NXPE2: variants seen among roughly 807,000 people sequenced by gnomAD.
NXPE2 encodes the protein NXPE family member 2.
In NXPE2, 34 loss-of-function variants were observed where a neutral mutation model predicts 34.4. That is an observed-to-expected ratio of 0.99 (90% CI 0.75 to 1.31). The LOEUF is 1.31. Among genes scored for constraint, NXPE2 ranks in the 40% most tolerant of loss-of-function variants. The pLI, the probability that NXPE2 is intolerant of heterozygous loss-of-function variation, is 0.00. For missense variants in NXPE2, 649 were observed against 672.5 expected (o/e 0.97, Z 0.39); for synonymous variants, 235 against 231.3 (o/e 1.02, Z -0.15).
At chr11:114,523,966 C>T in the NXPE2 span, among the ~76,000 whole-genome samples, 1 of 152,214 alleles carries the variant, frequency 6.6e-6, no homozygotes, top group Non-Finnish European at 1.5e-5. Flanking sequence ...TTCTGTCTCA[C>T]ATAACAGGCC....
At chr11:114,503,121 A>G in the NXPE2 span, among the ~76,000 whole-genome samples, 1 of 152,082 alleles carries the variant, frequency 6.6e-6, no homozygotes, top group African/African-American at 2.4e-5. Context: ...GCAGGCCAAG[A>G]AAAAAGCTTC....
chr11:114,663,730 T>C, the NXPE2 span, among the ~76,000 whole-genome samples: 2 of 149,722 alleles, frequency 1.3e-5, no homozygotes, highest in Non-Finnish European at 3.0e-5. Context: ...TACCTACCTA[T>C]CTATTGGCGA....
At chr11:114,739,322 TCCTTCCTTCCTTCCTTCCCC>T in the NXPE2 span, among the ~76,000 whole-genome samples, 1 of 54,076 alleles carries the variant, frequency 1.8e-5, no homozygotes, top group Non-Finnish European at 4.0e-5. Context: ...CTTCCTTCCT[TCCTTCCTTCCTTCCTTCCCC>T]CCTTCCTCTC....
the NXPE2 span, among the ~76,000 whole-genome samples, chr11:114,652,979 T>G: frequency 6.6e-6 from 1 of 152,194 alleles, no homozygotes; most frequent in Non-Finnish European, 1.5e-5. Context: ...AAAAGATGAC[T>G]GTGAGAAGCA....
At chr11:114,625,757 G>C in the NXPE2 span, among the ~76,000 whole-genome samples, 2 of 152,260 alleles carry the variant, frequency 1.3e-5, no homozygotes, top group South Asian at 2.1e-4. Context: ...ATTTCCATCT[G>C]AGGTACCAGG....
At chr11:114,599,562 G>C in the NXPE2 span, among the ~76,000 whole-genome samples, 4 of 152,158 alleles carry the variant, frequency 2.6e-5, no homozygotes, top group Non-Finnish European at 5.9e-5. Flanking sequence ...AAAGAAAAGA[G>C]ATTTAATTGG....
At chr11:114,578,466 T>A in the NXPE2 span, among the ~76,000 whole-genome samples, 1 of 152,192 alleles carries the variant, frequency 6.6e-6, no homozygotes, top group Non-Finnish European at 1.5e-5. Context: ...CCCTGAATTT[T>A]GTAGATGAGG....
chr11:114,586,898 G>C, the NXPE2 span, among the ~76,000 whole-genome samples: 1 of 152,148 alleles, frequency 6.6e-6, no homozygotes, highest in Non-Finnish European at 1.5e-5. Context: ...TAATGCCTGG[G>C]AATATAGCTC....
chr11:114,703,813 T>C (rs2135571203), intron 3 of NXPE2, among the ~76,000 whole-genome samples, 178 bp from the exon 4 acceptor site: 1 of 152,252 alleles, frequency 6.6e-6, no homozygotes, highest in South Asian at 2.1e-4. Context: ...TCCCTGCCAT[T>C]AGGAGAGGAA....
At chr11:114,490,383 C>T in the NXPE2 span, among the ~76,000 whole-genome samples, 1 of 152,172 alleles carries the variant, frequency 6.6e-6, no homozygotes, top group Non-Finnish European at 1.5e-5. Context: ...AAAAAGAGCT[C>T]ACATTGTCAA....
At chr11:114,598,779 G>A in the NXPE2 span, among the ~76,000 whole-genome samples, 33 of 152,038 alleles carry the variant, frequency 2.2e-4, no homozygotes, top group African/African-American at 6.8e-4. Context: ...TCCCTTCTAG[G>A]CCTGCAGGTC....
chr11:114,739,393 TCCCTCCC>T, the NXPE2 span, among the ~76,000 whole-genome samples: 1 of 124,706 alleles, frequency 8.0e-6, no homozygotes, highest in Non-Finnish European at 1.7e-5. Context: ...CTTCCCTTCC[TCCCTCCC>T]TCCCTCGCTC....
chr11:114,776,740 A>G, the NXPE2 span, among the ~76,000 whole-genome samples: 44 of 152,346 alleles, frequency 2.9e-4, no homozygotes, highest in African/African-American at 1.0e-3. Flanking sequence ...GTGGGAGTCT[A>G]TCTAATATAT....
chr11:114,506,982 G>A, the NXPE2 span, among the ~76,000 whole-genome samples: 2 of 151,752 alleles, frequency 1.3e-5, no homozygotes, highest in African/African-American at 4.8e-5. Context: ...TAGACCACTA[G>A]CTAGACTAAG....
chr11:114,811,926 C>T, the NXPE2 span, among the ~76,000 whole-genome samples: 27 of 152,302 alleles, frequency 1.8e-4, no homozygotes, highest in East Asian at 4.6e-3. Context: ...CCTTAGAGAA[C>T]TGCTGGGAGA....
At chr11:114,530,771 T>C in the NXPE2 span, 3 of 1,614,148 alleles carry the variant, frequency 1.9e-6, no homozygotes, top group African/African-American at 2.7e-5. Flanking sequence ...GCTGATCTAG[T>C]TTCTCTATGA....
intron 2 of NXPE2, among the ~76,000 whole-genome samples, chr11:114,692,222 T>G (rs1951167091): frequency 6.6e-6 from 1 of 152,188 alleles, no homozygotes; most frequent in African/African-American, 2.4e-5. Flanking sequence ...TTTGTGGGTT[T>G]GTGGCTGAAG....
the NXPE2 span, among the ~76,000 whole-genome samples, chr11:114,634,805 T>C: frequency 1.3e-5 from 2 of 152,066 alleles, no homozygotes; most frequent in African/African-American, 4.8e-5. Context: ...AGGGCTCTGT[T>C]CTGTTCCATT....
rs1464268695 is a variant in NXPE2, at chr11:114,678,581, G to A, written c.6G>A (p.Val2=). 6.5e-7 allele frequency: 1 copy of A among 1,548,656 alleles called. No individual in the cohort carries two copies. The highest frequency in any genetic ancestry group is 1.4e-5 in the African/African-American group (1 of 73,018). The change falls in exon 1 of 6, where the codon GTG becomes GTA. Residue 2 remains valine, a synonymous_variant. Coordinates refer to ENST00000389586, the MANE Select transcript of NXPE2 (RefSeq NM_182495.6). Reference sequence around the variant, plus strand: ...TCCTGTGAGAACACGAGAAGATGGTGGAGAAAATACTCATCCATAGGTGTG... The same window carrying A: ...TCCTGTGAGAACACGAGAAGATGGTAGAGAAAATACTCATCCATAGGTGTG... M[V]EKILIHRILT...
Sources: gnomAD v4.1 joint callset for allele counts (sites outside exome capture counted in the v4.1 genomes callset) on GRCh38, gnomAD v4.1.1 for gene constraint, MANE v1.5 for transcripts, NCBI Gene and HGNC (gene_info 2026-07-23, HGNC 2026-07-21) for gene names.